The following ESYT2 variants were observed in gnomAD, a reference collection of about 807,000 sequenced individuals.
ESYT2 encodes extended synaptotagmin-2.
A neutral mutation model predicts 107.2 loss-of-function variants in ESYT2; 54 were observed. The observed-to-expected ratio is 0.50, with a 90% CI of 0.40 to 0.63. The LOEUF (loss-of-function observed/expected upper bound fraction) is 0.63. Among genes scored for constraint, ESYT2 ranks in the 30% least tolerant of loss-of-function variants. The pLI is 0.00. For missense variants in ESYT2, 1,020 were observed against 1,094.5 expected, an observed-to-expected ratio of 0.93 and a Z score of 0.96; for synonymous variants, 491 against 434.1, an observed-to-expected ratio of 1.13 and a Z score of -1.63.
intron 20 of ESYT2, among the ~76,000 whole-genome samples, chr7:158,735,837 C>A (rs1416944006): frequency 6.6e-6 from 1 of 152,144 alleles, no homozygotes; most frequent in African/African-American, 2.4e-5. Context: ...CCATAGATGT[C>A]TGGGTCCCAA....
intron 20 of ESYT2, among the ~76,000 whole-genome samples, chr7:158,736,311 G>A (rs1836948046): frequency 1.3e-5 from 2 of 152,224 alleles, no homozygotes; most frequent in Admixed American, 6.5e-5. Context: ...TGAGGAGGAT[G>A]TTTAAAGATG....
intron 10 of ESYT2, among the ~76,000 whole-genome samples, chr7:158,761,796 T>C (rs1222319229): frequency 1.3e-5 from 2 of 152,178 alleles, no homozygotes; most frequent in African/African-American, 2.4e-5. Flanking sequence ...GAGCTCAGAA[T>C]ACTGAGTTTG....
chr7:158,791,719 C>T (rs1248405406), intron 4 of ESYT2, among the ~76,000 whole-genome samples: 1 of 152,168 alleles, frequency 6.6e-6, no homozygotes, highest in Non-Finnish European at 1.5e-5. Context: ...TCTGTATCAT[C>T]CCTGGAGAAA....
At chr7:158,790,736 G>A (rs1360255602) in intron 4 of ESYT2, among the ~76,000 whole-genome samples, 1 of 152,136 alleles carries the variant, frequency 6.6e-6, no homozygotes, top group Non-Finnish European at 1.5e-5. Flanking sequence ...AGACCAGCCT[G>A]GCCAACAAGG....
At chr7:158,749,432 T>A (rs575597806) in intron 15 of ESYT2, among the ~76,000 whole-genome samples, 1 of 152,188 alleles carries the variant, frequency 6.6e-6, no homozygotes, top group Non-Finnish European at 1.5e-5. Flanking sequence ...GAAGTCATTT[T>A]AAAAAATGAA....
intron 1 of ESYT2, among the ~76,000 whole-genome samples, chr7:158,828,659 G>T (rs957426083): frequency 6.6e-6 from 1 of 152,214 alleles, no homozygotes; most frequent in African/African-American, 2.4e-5. Context: ...CGACTTGGAC[G>T]GAGGGAGGGC....
At chr7:158,820,073 C>T (rs377580060) in intron 1 of ESYT2, among the ~76,000 whole-genome samples, 2 of 152,302 alleles carry the variant, frequency 1.3e-5, no homozygotes, top group East Asian at 3.9e-4. Context: ...CTAGACACTG[C>T]CGTAATCCAT....
rs1437531480 is a variant in ESYT2, at chr7:158,826,944, C to T, written c.330+2145G>A. Among the ~76,000 whole-genome samples, 12 of 151,692 alleles carry T rather than the reference C, an allele frequency of 7.9e-5. No individual in the cohort carries two copies. The East Asian group carries it at 2.1e-3, about 27-fold the overall frequency. ...CTTGGGGAGGCCAAGGCAGGCGGAA[C>T]ACAAGGTCAGGAGTTTGAGACCAGC... On this transcript the variant is annotated intron_variant, in intron 1 of 22. Transcript: ENST00000275418.
intron 6 of ESYT2, among the ~76,000 whole-genome samples, chr7:158,784,951 G>C (rs1282551229): frequency 3.3e-5 from 5 of 152,146 alleles, no homozygotes; most frequent in Non-Finnish European, 7.4e-5. Flanking sequence ...AGACCTCCGG[G>C]ATCCCCTCTA....
intron 6 of ESYT2, among the ~76,000 whole-genome samples, chr7:158,783,964 T>C (rs1040820209): frequency 6.6e-6 from 1 of 152,096 alleles, no homozygotes; most frequent in Non-Finnish European, 1.5e-5. Flanking sequence ...CTTAAGGACA[T>C]GGTAGGACAA....
intron 6 of ESYT2, among the ~76,000 whole-genome samples, chr7:158,782,087 A>C (rs1173861967): frequency 6.6e-6 from 1 of 150,754 alleles, no homozygotes; most frequent in Non-Finnish European, 1.5e-5. Flanking sequence ...GTAAGAACAA[A>C]TGTGAGTGAA....
chr7:158,793,861 C>T (rs1359345437), intron 3 of ESYT2, 135 bp from the exon 4 acceptor site: 22 of 709,350 alleles, frequency 3.1e-5, no homozygotes, highest in Non-Finnish European at 4.6e-5. Context: ...GCCTTCATAA[C>T]AGAGTGTGGC....
At chr7:158,759,952 T>G in intron 12 of ESYT2, 106 bp downstream of exon 12, 1 of 929,658 alleles carries the variant, frequency 1.1e-6, no homozygotes, top group East Asian at 2.4e-5. Flanking sequence ...TGAAAATTAC[T>G]GCTATAATTG....
intron 13 of ESYT2, among the ~76,000 whole-genome samples, chr7:158,756,152 A>G (rs1196276603): frequency 1.3e-5 from 2 of 152,246 alleles, no homozygotes; most frequent in Non-Finnish European, 2.9e-5. Context: ...TGAAAACTCT[A>G]CAAAAATGCA....
rs532322482 is a variant in ESYT2, at chr7:158,731,136, G to A, written c.*3071C>T. 1.5e-4 allele frequency: 23 copies of A among 152,226 alleles called. No individual in the cohort carries two copies. Among genetic ancestry groups the A allele is most frequent in the African/African-American group, 5.5e-4 (23 of 41,530 alleles). 9.4% of individuals were successfully genotyped at this position (152,226 alleles called of 1,614,324 possible). ...TGCAGTGGGGGGTCCAGCTGGAGGTGGAATAAATGCGGCAACCACAGAAAA... is the reference window on the plus strand; with the variant it reads ...TGCAGTGGGGGGTCCAGCTGGAGGTAGAATAAATGCGGCAACCACAGAAAA... On this transcript the variant is annotated 3_prime_UTR_variant, in exon 23 of 23. Transcript: ENST00000275418.
rs55862703 is a variant in ESYT2, at chr7:158,785,426, AAAATAAATAAAT to A, written c.747+2566_747+2577del. 6.8e-3 allele frequency among the ~76,000 whole-genome samples: 982 copies of A among 144,008 alleles called. 8 individuals are homozygous for A. Among genetic ancestry groups the A allele is most frequent in the African/African-American group, 0.018 (688 of 38,670 alleles). The allele number at this position is 144,008 out of a possible 152,430, so 94.5% of individuals were successfully genotyped here. A position where few individuals can be genotyped will look rare whatever the true frequency, so the allele number is the denominator to read the frequency against. On this transcript the variant is annotated intron_variant, in intron 6 of 22. Transcript: ENST00000275418. ...GGTGACAAGAGTGAAACTCCGTCTC[AAAATAAATAAAT>A]AAATAAATAAATAAATAAATAAATA... is the stretch of plus-strand genomic sequence containing the variant.
rs575320227 is a variant in ESYT2 at position 158,815,832 on chromosome 7, A to C, written c.330+13257T>G. On this transcript the variant is annotated intron_variant, in intron 1 of 22. Coordinates refer to ENST00000275418, the MANE Select transcript of ESYT2 (RefSeq NM_001367773.1). Reference sequence around the variant, plus strand: ...AAGCTGCACCATCACTTTATGTGCCACTAAGAGCACAGTCCATTAACAGTG... The same window carrying C: ...AAGCTGCACCATCACTTTATGTGCCCCTAAGAGCACAGTCCATTAACAGTG... 2.7e-4 allele frequency among the ~76,000 whole-genome samples: 41 copies of C among 152,370 alleles called. 1 individual carries two copies. In the South Asian group the frequency reaches 7.5e-3, roughly 28 times the overall value.
Position 158,743,624 on chromosome 7 carries a change from G to A in ESYT2, c.1699C>T (p.Gln567Ter), listed in dbSNP as rs267601440. The A allele has an allele frequency of 6.2e-7, 1 of 1,613,644 alleles. No individual in the cohort carries two copies. The highest frequency in any genetic ancestry group is 2.2e-5 in the East Asian group (1 of 44,804). The change falls in exon 17 of 23, where the codon CAG becomes TAG. Residue 567 changes from glutamine to a stop codon, truncating the protein, a stop_gained. Coordinates refer to ENST00000275418, the MANE Select transcript of ESYT2 (RefSeq NM_001367773.1). LOFTEE classifies it high-confidence loss of function. Reference sequence around the variant, plus strand: ...GTCATGTCCTCACTGGTGAGCAGCTGGCTGAGGGGGACCTTCAGGTTCCCC... The same window carrying A: ...GTCATGTCCTCACTGGTGAGCAGCTAGCTGAGGGGGACCTTCAGGTTCCCC... ...SLGNLKVPLS[Q>*]LLTSEDMTVS...
chr7:158,823,215 A>G (rs1368076253), intron 1 of ESYT2, among the ~76,000 whole-genome samples: 1 of 139,730 alleles, frequency 7.2e-6, no homozygotes, highest in Non-Finnish European at 1.5e-5. Flanking sequence ...GAATTGCTTG[A>G]ACCAGCGAGG....
Sources: allele counts gnomAD v4.1 joint callset (sites outside exome capture counted in the v4.1 genomes callset), GRCh38; gene constraint gnomAD v4.1.1; transcripts MANE v1.5; gene names NCBI Gene and HGNC (gene_info 2026-07-23, HGNC 2026-07-21).